Variants in RNF39 observed in about 807,000 individuals in gnomAD.
The protein encoded by RNF39 is ring finger protein 39, also known as LTP (long-term potentiation) induced RING finger protein.
Under a neutral mutation model 29.2 loss-of-function variants are expected in RNF39, and 25 were observed. The ratio of observed to expected loss-of-function variants is 0.86; its 90% CI spans 0.62 to 1.20. RNF39 has a LOEUF of 1.20. RNF39 is among the 50% of genes most tolerant of loss of function. The pLI, the probability that RNF39 is intolerant of heterozygous loss-of-function variation, is 0.00. For synonymous variants in RNF39, 219 were observed against 229.0 expected, an observed-to-expected ratio of 0.96 and a Z score of 0.40; for missense variants, 519 against 515.0, an observed-to-expected ratio of 1.01 and a Z score of -0.08.
rs1766330333 is a variant in RNF39 at position 30,075,334 on chromosome 6, C to T, written c.252G>A (p.Glu84=). The change falls in exon 1 of 4, where the codon GAG becomes GAA. Residue 84 remains glutamate, a synonymous_variant. Coordinates refer to ENST00000244360, the MANE Select transcript of RNF39 (RefSeq NM_025236.4). ...SLRSNVRLAV[E]VRISRELREK... ...CTCGCAGCTCGCGGCTGATTCGCACCTCCACCGCCAGCCGCACATTAGACC... is the reference window on the plus strand; with the variant it reads ...CTCGCAGCTCGCGGCTGATTCGCACTTCCACCGCCAGCCGCACATTAGACC... 6.3e-7 allele frequency: 1 copy of T among 1,591,478 alleles called. No individual in the cohort carries two copies. The highest frequency in any genetic ancestry group is 1.3e-5 in the African/African-American group (1 of 74,490).
In RNF39 at chr6:30,071,044, G is replaced by T. The variant is rs1411460463; in HGVS notation, c.*67C>A. The T allele has an allele frequency of 4.0e-6, 5 of 1,263,268 alleles. No homozygotes were observed. Among genetic ancestry groups the T allele is most frequent in the Non-Finnish European group, 4.5e-6 (4 of 884,924 alleles). 78.3% of individuals were successfully genotyped at this position (1,263,268 alleles called of 1,614,324 possible). On this transcript the variant is annotated 3_prime_UTR_variant, in exon 4 of 4. Transcript: ENST00000244360. This position sits in a 1 kb window ranked among gnomAD's most constrained non-coding sequence, Gnocchi z 5.0. The stretch of plus-strand genomic sequence containing the variant: ...GAATGTGTTCCCAGAAATGAGTGGG[G>T]AATTCCACCCCCAAAAAGCAGCTGC...
Position 30,071,310 on chromosome 6 carries a change from A to T in RNF39, c.860T>A (p.Leu287Gln). 6.7e-7 allele frequency: 1 copy of T among 1,492,714 alleles called. No individual in the cohort carries two copies. Among genetic ancestry groups the T allele is most frequent in the Non-Finnish European group, 8.9e-7 (1 of 1,126,106 alleles). 92.5% of individuals were successfully genotyped at this position (1,492,714 alleles called of 1,614,324 possible). A position where few individuals can be genotyped will look rare whatever the true frequency, so the allele number is the denominator to read the frequency against. The stretch of plus-strand genomic sequence containing the variant: ...CCGCGGCGGGGGCTCAACACCGCCC[A>T]GCAGGGTGGGTTCGGGTGCCGTGAG... ...WALTAPEPTLLGGVEPPPRRI... is the reference protein window; with the variant it reads ...WALTAPEPTLQGGVEPPPRRI... Residue 287 changes from leucine to glutamine, a missense_variant, in exon 4 of 4, where the codon CTG (leucine) becomes CAG (glutamine). Coordinates refer to ENST00000244360, the MANE Select transcript of RNF39 (RefSeq NM_025236.4). This position sits in a 1 kb window ranked among gnomAD's most constrained non-coding sequence, Gnocchi z 5.0.
rs1417247619 is a variant in RNF39, at chr6:30,072,025, G to A, written c.479-334C>T. 6.6e-6 allele frequency among the ~76,000 whole-genome samples: 1 copy of A among 152,120 alleles called. No homozygotes were observed. The highest frequency in any genetic ancestry group is 2.4e-5 in the African/African-American group (1 of 41,410). ...GGAAGAGTGAGGCTGATCTGACTTC[G>A]AGGGAGGAGTAAGGACTGATACCTC... On this transcript the variant is annotated intron_variant, in intron 3 of 3. Coordinates refer to ENST00000244360, the MANE Select transcript of RNF39 (RefSeq NM_025236.4). The surrounding 1 kb of genome is among the most constrained non-coding windows in gnomAD (Gnocchi z 4.5).
chr6:30,071,379 C>T lies in RNF39; in HGVS notation c.791G>A (p.Gly264Glu). 5 of 1,469,972 alleles carry T rather than the reference C, an allele frequency of 3.4e-6. No homozygotes were observed. The highest frequency in any genetic ancestry group is 4.5e-6 in the Non-Finnish European group (5 of 1,119,538). 91.1% of individuals were successfully genotyped at this position (1,469,972 alleles called of 1,614,324 possible). A position where few individuals can be genotyped will look rare whatever the true frequency, so the allele number is the denominator to read the frequency against. The stretch of plus-strand genomic sequence containing the variant: ...GCGGCCCTCCACGGCCCACACGGCC[C>T]CCGCAGGGCACAGCCTTACGCAGCC... Reference protein sequence around the residue: ...RKGCVRLCPAGAVWAVEGRGG... With the variant: ...RKGCVRLCPAEAVWAVEGRGG... Residue 264 changes from glycine (G) to glutamate (E), a missense_variant, in exon 4 of 4, where the codon GGG becomes GAG. Gly to Glu is a moderately conservative substitution (Grantham distance 98). Transcript: ENST00000244360. The surrounding 1 kb of genome is among the most constrained non-coding windows in gnomAD (Gnocchi z 5.0).
rs112670219 is a variant in RNF39, at chr6:30,073,438, C to G, written c.386+18G>C. 3 of 1,614,004 alleles carry G rather than the reference C, an allele frequency of 1.9e-6. No homozygotes were observed. Among genetic ancestry groups the G allele is most frequent in the Admixed American group, 1.7e-5 (1 of 59,998 alleles). The stretch of plus-strand genomic sequence containing the variant: ...GGCAGCTGGTGAGAAAAGGAGGGAA[C>G]AGAAAAGTGGAACTCACCGTCTCCA... On this transcript the variant is annotated intron_variant, in intron 2 of 3. Transcript: ENST00000244360.
Position 30,071,392 on chromosome 6 carries a change from GC to G in RNF39, c.777del (p.Arg259SerfsTer143), listed in dbSNP as rs1397914250. 1 of 1,484,590 alleles carries G rather than the reference GC, an allele frequency of 6.7e-7. No individual in the cohort carries two copies. The highest frequency in any genetic ancestry group is 8.9e-7 in the Non-Finnish European group (1 of 1,126,940). 92.0% of individuals were successfully genotyped at this position (1,484,590 alleles called of 1,614,324 possible). A position where few individuals can be genotyped will look rare whatever the true frequency, so the allele number is the denominator to read the frequency against. ...GESVQRKGCVRLCPAGAVWAV... is the reference protein window; with the variant it reads ...GESVQRKGCVXLCPAGAVWAV... ...GCCCACACGGCCCCCGCAGGGCACA[GC>G]CTTACGCAGCCCTTGCGTTGCACTG... is the stretch of plus-strand genomic sequence containing the variant. On this transcript the variant is annotated frameshift_variant, in exon 4 of 4. Transcript: ENST00000244360. LOFTEE classifies it high-confidence loss of function. The surrounding 1 kb of genome is among the most constrained non-coding windows in gnomAD (Gnocchi z 5.0).
chr6:30,071,820 A>C lies in RNF39; in HGVS notation c.479-129T>G. On this transcript the variant is annotated intron_variant, in intron 3 of 3. Coordinates refer to ENST00000244360, the MANE Select transcript of RNF39 (RefSeq NM_025236.4). This position sits in a 1 kb window ranked among gnomAD's most constrained non-coding sequence, Gnocchi z 5.0. Reference sequence around the variant, plus strand: ...GCTAGTGACCACACAACAGCTCAAAAGGCGACTGCAGGACCAAAAAGAAGG... The same window carrying C: ...GCTAGTGACCACACAACAGCTCAAACGGCGACTGCAGGACCAAAAAGAAGG... 1.3e-6 allele frequency: 1 copy of C among 750,132 alleles called. No homozygotes were observed. The highest frequency in any genetic ancestry group is 2.0e-6 in the Non-Finnish European group (1 of 508,364). 46.5% of individuals were successfully genotyped at this position (750,132 alleles called of 1,614,324 possible).
At position 30,072,219 on chromosome 6, in the gene RNF39, T is replaced by G. The variant is rs754741989; in HGVS notation, c.479-528A>C. On this transcript the variant is annotated intron_variant, in intron 3 of 3. Transcript: ENST00000244360. The surrounding 1 kb of genome is among the most constrained non-coding windows in gnomAD (Gnocchi z 4.5). ...CCACCCACCCACAGGAATTGGGGGG[T>G]GGGGTGGACAGTCCTATTTCTGTAG... 6.6e-6 allele frequency among the ~76,000 whole-genome samples: 1 copy of G among 150,722 alleles called. No individual in the cohort carries two copies. The highest frequency in any genetic ancestry group is 6.6e-5 in the Admixed American group (1 of 15,180).
At chr6:30,073,336 G>A (rs1766148190) in intron 2 of RNF39, 88 bp from the exon 3 acceptor site, 1 of 1,508,220 alleles carries the variant, frequency 6.6e-7, no homozygotes, top group African/African-American at 1.4e-5. Flanking sequence ...GGAGGAAGAA[G>A]GGATGAGACT....
At chr6:30,075,059 C>T (rs1766295339) in intron 1 of RNF39, among the ~76,000 whole-genome samples, 164 bp downstream of exon 1, 1 of 152,186 alleles carries the variant, frequency 6.6e-6, no homozygotes, top group East Asian at 1.9e-4. Flanking sequence ...CGCCTCTCAC[C>T]TTGAGGACCC....
Position 30,073,553 on chromosome 6 carries a change from C to G in RNF39, c.364-75G>C, listed in dbSNP as rs1766167314. 15 of 1,550,398 alleles carry G rather than the reference C, an allele frequency of 9.7e-6. No individual in the cohort carries two copies. In the South Asian group the frequency reaches 1.8e-4, roughly 19 times the overall value. On this transcript the variant is annotated intron_variant, in intron 1 of 3. Transcript: ENST00000244360. ...TGGGGCATCCTTCCCTATCTCTCCC[C>G]TCCTCAGGTGAGTTCTGTCTGAGTT...
chr6:30,071,462 C>T lies in RNF39; in HGVS notation c.708G>A (p.Ala236=). 1.3e-6 allele frequency: 2 copies of T among 1,560,952 alleles called. No homozygotes were observed. The highest frequency in any genetic ancestry group is 1.7e-6 in the Non-Finnish European group (2 of 1,161,280). ...CTGCATAGTGGCTCTCCTCGTCGTCCGCATCCTCCCCAGAAGAGTCTCTGC... is the reference window on the plus strand; with the variant it reads ...CTGCATAGTGGCTCTCCTCGTCGTCTGCATCCTCCCCAGAAGAGTCTCTGC... ...ASCRDSSGED[A]DDEESHYAVG... The change falls in exon 4 of 4, where the codon GCG becomes GCA. Residue 236 remains alanine, a synonymous_variant. Coordinates refer to ENST00000244360, the MANE Select transcript of RNF39 (RefSeq NM_025236.4). The surrounding 1 kb of genome is among the most constrained non-coding windows in gnomAD (Gnocchi z 5.0).
chr6:30,075,380 G>C lies in RNF39; in HGVS notation c.206C>G (p.Pro69Arg). The change falls in exon 1 of 4, where the codon CCG (proline) becomes CGG (arginine). Residue 69 changes from proline (P) to arginine (R), a missense_variant. Pro to Arg is a moderately radical substitution (Grantham distance 103). Transcript: ENST00000244360. ...SPTACPCCGLPCPRRSLRSNV... is the reference protein window; with the variant it reads ...SPTACPCCGLRCPRRSLRSNV... ...AGACCTCAGGCTGCGGCGGGGACAC[G>C]GCAGGCCGCAGCAGGGACAGGCGGT... is the stretch of plus-strand genomic sequence containing the variant. 6.4e-7 allele frequency: 1 copy of C among 1,570,846 alleles called. No individual in the cohort carries two copies. Among genetic ancestry groups the C allele is most frequent in the Non-Finnish European group, 8.6e-7 (1 of 1,161,576 alleles).
In RNF39 at chr6:30,071,103, G is replaced by A. The variant is rs1765910478; in HGVS notation, c.*8C>T. On this transcript the variant is annotated 3_prime_UTR_variant, in exon 4 of 4. Coordinates refer to ENST00000244360, the MANE Select transcript of RNF39 (RefSeq NM_025236.4). The surrounding 1 kb of genome is among the most constrained non-coding windows in gnomAD (Gnocchi z 5.0). The stretch of plus-strand genomic sequence containing the variant: ...TGGCCGGGCCAAACTTCTAGTTGGA[G>A]ACGAGACTCAGCTTTCCGCTGGTAC... 6.4e-7 allele frequency: 1 copy of A among 1,552,626 alleles called. No individual in the cohort carries two copies. The highest frequency in any genetic ancestry group is 1.4e-5 in the African/African-American group (1 of 73,276).
Position 30,075,447 on chromosome 6 carries a change from G to C in RNF39, c.139C>G (p.Arg47Gly), listed in dbSNP as rs1332151590. The C allele has an allele frequency of 2.6e-6, 4 of 1,551,606 alleles. No homozygotes were observed. The highest frequency in any genetic ancestry group is 3.5e-6 in the Non-Finnish European group (4 of 1,151,132). The change falls in exon 1 of 4, where the codon CGC becomes GGC. Residue 47 changes from arginine to glycine, a missense_variant. By Grantham distance (125) the Arg-to-Gly change is moderately radical. Transcript: ENST00000244360. ...CCGGTCGCCGGCGGAGTCCCCCAGCGGCGGGCCAGACACGCGCGGCAGAAG... is the reference window on the plus strand; with the variant it reads ...CCGGTCGCCGGCGGAGTCCCCCAGCCGCGGGCCAGACACGCGCGGCAGAAG... ...HSFCRACLARRWGTPPATGTE... is the reference protein window; with the variant it reads ...HSFCRACLARGWGTPPATGTE...
In RNF39 at chr6:30,071,039, G is replaced by A; in HGVS notation, c.*72C>T. ...CGTGTGAATGTGTTCCCAGAAATGA[G>A]TGGGGAATTCCACCCCCAAAAAGCA... On this transcript the variant is annotated 3_prime_UTR_variant, in exon 4 of 4. Coordinates refer to ENST00000244360, the MANE Select transcript of RNF39 (RefSeq NM_025236.4). The surrounding 1 kb of genome is among the most constrained non-coding windows in gnomAD (Gnocchi z 5.0). 1 of 1,205,730 alleles carries A rather than the reference G, an allele frequency of 8.3e-7. No individual in the cohort carries two copies. Among genetic ancestry groups the A allele is most frequent in the Non-Finnish European group, 1.2e-6 (1 of 831,974 alleles). 74.7% of individuals were successfully genotyped at this position (1,205,730 alleles called of 1,614,324 possible). A position where few individuals can be genotyped will look rare whatever the true frequency, so the allele number is the denominator to read the frequency against.
chr6:30,073,171 A>C lies in RNF39; in HGVS notation c.464T>G (p.Leu155Arg). ...PEDYPVVKKM[L>R]HRLTADLTLD... is the part of the protein sequence containing the mutation. Reference sequence around the variant, plus strand: ...TCTTTCCTTACCTGTCAGTCTATGAAGCATTTTTTTGACCACTGGATAATC... The same window carrying C: ...TCTTTCCTTACCTGTCAGTCTATGACGCATTTTTTTGACCACTGGATAATC... Residue 155 changes from leucine to arginine, a missense_variant, in exon 3 of 4, where the codon CTT becomes CGT. Physicochemically the swap from Leu to Arg is moderately radical, Grantham distance 102. Transcript: ENST00000244360. The C allele has an allele frequency of 6.2e-7, 1 of 1,602,652 alleles. No individual in the cohort carries two copies. Among genetic ancestry groups the C allele is most frequent in the Non-Finnish European group, 8.5e-7 (1 of 1,169,654 alleles).
At chr6:30,075,102 C>T (rs755266608) in intron 1 of RNF39, 121 bp downstream of exon 1, 26 of 1,085,376 alleles carry the variant, frequency 2.4e-5, no homozygotes, top group African/African-American at 3.2e-5. Flanking sequence ...TTGCTTTTCT[C>T]TCCCCACCCC....
rs1334815834 is a variant in RNF39 at position 30,070,410 on chromosome 6, G to T, written c.*701C>A. The T allele has an allele frequency of 5.0e-6, 1 of 200,590 alleles. No individual in the cohort carries two copies. The highest frequency in any genetic ancestry group is 1.0e-5 in the Non-Finnish European group (1 of 96,954). 12.4% of individuals were successfully genotyped at this position (200,590 alleles called of 1,614,324 possible). Reference sequence around the variant, plus strand: ...CACAAGGATGAGTTTGGAGATGTCTGAAGTATTCCCAGGTTGAGGAGGAGA... The same window carrying T: ...CACAAGGATGAGTTTGGAGATGTCTTAAGTATTCCCAGGTTGAGGAGGAGA... On this transcript the variant is annotated 3_prime_UTR_variant, in exon 4 of 4. Transcript: ENST00000244360.
Sources: allele counts gnomAD v4.1 joint callset (sites outside exome capture counted in the v4.1 genomes callset), GRCh38; gene constraint gnomAD v4.1.1; non-coding constraint Gnocchi (gnomAD v3.1); transcripts MANE v1.5; gene names NCBI Gene and HGNC (gene_info 2026-07-23, HGNC 2026-07-21).